Variants in ZNF804A observed in about 807,000 individuals in gnomAD.
ZNF804A encodes zinc finger protein 804A.
ZNF804A carries 2 observed loss-of-function variants against 16.5 expected under a neutral mutation model. The ratio of observed to expected loss-of-function variants is 0.12; its 90% confidence interval spans 0.05 to 0.38. The LOEUF is 0.38. ZNF804A is among the 10% of genes least tolerant of loss of function. ZNF804A has a pLI of 0.99. For missense variants in ZNF804A, 1,473 were observed against 1,390.7 expected (o/e 1.06, Z -0.94); for synonymous variants, 534 against 489.6 (o/e 1.09, Z -1.20).
chr2:184,906,401 C>G (rs1431119344), intron 2 of ZNF804A, among the ~76,000 whole-genome samples: 2 of 152,096 alleles, frequency 1.3e-5, no homozygotes, highest in Admixed American at 1.3e-4. Flanking sequence ...CAGGCTCAAG[C>G]AATTATTCCA....
At chr2:184,693,938 T>C (rs1245277572) in intron 1 of ZNF804A, among the ~76,000 whole-genome samples, 1 of 149,626 alleles carries the variant, frequency 6.7e-6, no homozygotes, top group East Asian at 1.9e-4. Flanking sequence ...TCTTTTTTTT[T>C]TTTTTTTTTT....
At chr2:184,925,590 T>A (rs1224592268) in intron 2 of ZNF804A, among the ~76,000 whole-genome samples, 7 of 152,036 alleles carry the variant, frequency 4.6e-5, no homozygotes, top group Non-Finnish European at 2.9e-5. Context: ...GTTAGTTGTT[T>A]TCTGGTTTTG....
intron 1 of ZNF804A, among the ~76,000 whole-genome samples, chr2:184,768,132 C>G (rs1245008038): frequency 6.6e-6 from 1 of 151,852 alleles, no homozygotes; most frequent in African/African-American, 2.4e-5. Context: ...GTAAAAAATA[C>G]AAACTTAAAA....
chr2:184,900,764 GGAA>G (rs1287855884), intron 2 of ZNF804A, among the ~76,000 whole-genome samples: 1 of 152,240 alleles, frequency 6.6e-6, no homozygotes, highest in East Asian at 1.9e-4. Flanking sequence ...GAAATGAAAT[GGAA>G]GAAGAGTGGA....
intron 1 of ZNF804A, among the ~76,000 whole-genome samples, chr2:184,723,948 A>G (rs1205811730): frequency 1.3e-5 from 2 of 151,800 alleles, no homozygotes; most frequent in African/African-American, 2.4e-5. Context: ...GTTAGTTGAC[A>G]TATTGACATG....
chr2:184,872,326 G>A (rs983298743), intron 2 of ZNF804A, among the ~76,000 whole-genome samples: 1 of 152,020 alleles, frequency 6.6e-6, no homozygotes, highest in Admixed American at 6.6e-5. Context: ...ACAGTATACT[G>A]AGGTCGTAGA....
chr2:184,860,274 T>C lies in ZNF804A; in HGVS notation c.112-6095T>C, dbSNP rs145181628. Among the ~76,000 whole-genome samples the C allele has an allele frequency of 9.1e-3, 1,381 of 152,312 alleles. 23 individuals carry two copies. Among genetic ancestry groups the C allele is most frequent in the African/African-American group, 0.032 (1,321 of 41,580 alleles). On this transcript the variant is annotated intron_variant, in intron 1 of 3. Transcript: ENST00000302277. ...GGTCTGTGAGAACTGGACTGGGTCC[T>C]GGGTCCTCAGTCAATAGCCTGGAAC...
chr2:184,754,779 A>T (rs1483295743), intron 1 of ZNF804A, among the ~76,000 whole-genome samples: 1 of 151,854 alleles, frequency 6.6e-6, no homozygotes, highest in Non-Finnish European at 1.5e-5. Flanking sequence ...TTTTAAAAAA[A>T]ATTGTGTCTT....
At chr2:184,740,613 A>G (rs1693696360) in intron 1 of ZNF804A, among the ~76,000 whole-genome samples, 1 of 152,200 alleles carries the variant, frequency 6.6e-6, no homozygotes, top group South Asian at 2.1e-4. Flanking sequence ...CTGGGATAGA[A>G]GTTAATTTGT....
chr2:184,698,048 A>T (rs1031166093), intron 1 of ZNF804A, among the ~76,000 whole-genome samples: 2 of 152,060 alleles, frequency 1.3e-5, no homozygotes, highest in African/African-American at 4.8e-5. Flanking sequence ...AGGAGGTAAA[A>T]GGTTCAGATT....
intron 2 of ZNF804A, among the ~76,000 whole-genome samples, chr2:184,886,493 C>T (rs534441137): frequency 2.6e-5 from 4 of 152,326 alleles, no homozygotes; most frequent in African/African-American, 9.6e-5. Flanking sequence ...AGTAGGGACA[C>T]CGTGTGGGGG....
At chr2:184,760,405 T>A (rs772932690) in intron 1 of ZNF804A, among the ~76,000 whole-genome samples, 1 of 152,170 alleles carries the variant, frequency 6.6e-6, no homozygotes, top group African/African-American at 2.4e-5. Flanking sequence ...TCTATTGAGA[T>A]AATAGATCTA....
At chr2:184,724,369 A>G (rs1280020510) in intron 1 of ZNF804A, among the ~76,000 whole-genome samples, 1 of 151,720 alleles carries the variant, frequency 6.6e-6, no homozygotes, top group Non-Finnish European at 1.5e-5. Flanking sequence ...TAATTTAAAA[A>G]TGTACACGAT....
intron 1 of ZNF804A, among the ~76,000 whole-genome samples, chr2:184,821,244 C>T (rs1372326388): frequency 5.3e-5 from 8 of 152,038 alleles, no homozygotes; most frequent in Admixed American, 1.3e-4. Flanking sequence ...AAATAGATAA[C>T]TCAGAAATAA....
intron 1 of ZNF804A, among the ~76,000 whole-genome samples, chr2:184,620,998 AGAT>A (rs1210447658): frequency 2.6e-5 from 4 of 151,694 alleles, no homozygotes; most frequent in Non-Finnish European, 5.9e-5. Flanking sequence ...AATAATTAAT[AGAT>A]GATAACTAGA....
intron 1 of ZNF804A, among the ~76,000 whole-genome samples, chr2:184,853,824 C>CA (rs35131045): frequency 1.1e-4 from 16 of 148,408 alleles, no homozygotes; most frequent in African/African-American, 2.7e-4. Context: ...ATTTTTCCAC[C>CA]AAAAAAAATT....
At chr2:184,619,050 G>A (rs560320529) in intron 1 of ZNF804A, among the ~76,000 whole-genome samples, 1 of 152,152 alleles carries the variant, frequency 6.6e-6, no homozygotes, top group Admixed American at 6.6e-5. Flanking sequence ...TTTGCTGCAG[G>A]GAATGGGAGG....
intron 1 of ZNF804A, among the ~76,000 whole-genome samples, chr2:184,715,117 AG>A (rs1452944336): frequency 6.6e-6 from 1 of 152,144 alleles, no homozygotes; most frequent in African/African-American, 2.4e-5. Context: ...AAATTGCAAA[AG>A]GTTCCTAAGT....
chr2:184,816,642 A>G (rs1448596174), intron 1 of ZNF804A, among the ~76,000 whole-genome samples: 1 of 151,968 alleles, frequency 6.6e-6, no homozygotes, highest in Non-Finnish European at 1.5e-5. Flanking sequence ...TTATCAACCG[A>G]TCAATCATTC....
Sources: gnomAD v4.1 joint callset for allele counts (sites outside exome capture counted in the v4.1 genomes callset) on GRCh38, gnomAD v4.1.1 for gene constraint, MANE v1.5 for transcripts, NCBI Gene and HGNC (gene_info 2026-07-23, HGNC 2026-07-21) for gene names.